TMEM273: variants seen among roughly 807,000 people sequenced by gnomAD.
TMEM273 encodes chromosome 10 open reading frame 128.
Under a neutral mutation model 17.9 loss-of-function variants are expected in TMEM273, and 19 were observed. The ratio of observed to expected loss-of-function variants is 1.06; its 90% CI spans 0.74 to 1.55. The LOEUF (loss-of-function observed/expected upper bound fraction) is 1.55. Among genes scored for constraint, TMEM273 ranks in the 40% most tolerant of loss-of-function variants. The pLI is 0.00. For synonymous variants in TMEM273, 66 were observed against 62.0 expected (o/e 1.07, Z -0.31); for missense variants, 194 against 155.6 (o/e 1.25, Z -1.31).
chr10:49,159,905 A>C (rs950940661), intron 6 of TMEM273, among the ~76,000 whole-genome samples: 1 of 152,196 alleles, frequency 6.6e-6, no homozygotes, highest in East Asian at 1.9e-4. Context: ...AGTGACTTGC[A>C]CTAGCCAAAT....
chr10:49,169,234 A>C (rs2132172480), intron 1 of TMEM273, among the ~76,000 whole-genome samples: 1 of 152,332 alleles, frequency 6.6e-6, no homozygotes, highest in South Asian at 2.1e-4. Context: ...CAAAGGCAGG[A>C]GAGTGTGCTA....
chr10:49,175,764 G>A (rs1036901242), intron 1 of TMEM273, among the ~76,000 whole-genome samples: 1 of 152,226 alleles, frequency 6.6e-6, no homozygotes, highest in African/African-American at 2.4e-5. Context: ...GGTGACACAT[G>A]TGAGCACTGA....
intron 1 of TMEM273, among the ~76,000 whole-genome samples, chr10:49,172,173 A>G (rs1846616943): frequency 6.6e-6 from 1 of 152,210 alleles, no homozygotes; most frequent in South Asian, 2.1e-4. Context: ...TGTCTAGGAC[A>G]GGCTTCCTTA....
At position 49,166,967 on chromosome 10, in the gene TMEM273, A is replaced by G. The variant is rs1442420729; in HGVS notation, c.140T>C (p.Ile47Thr). 1.2e-6 allele frequency: 2 copies of G among 1,614,210 alleles called. No individual in the cohort carries two copies. Among genetic ancestry groups the G allele is most frequent in the Admixed American group, 3.3e-5 (2 of 60,032 alleles). The change falls in exon 3 of 7, where the codon ATA becomes ACA. Residue 47 changes from isoleucine (I) to threonine (T), a missense_variant. By Grantham distance (89) the Ile-to-Thr change is moderately conservative. Transcript: ENST00000374153. The stretch of plus-strand genomic sequence containing the variant: ...CTTCAGGGCCAGGAAGCCAGCAGAT[A>G]TGGCGACACCCACAGCAGTCCCGAT... ...ALIGTAVGVA[I>T]SAGFLALKIC...
chr10:49,181,319 T>C (rs886105182), intron 1 of TMEM273, among the ~76,000 whole-genome samples: 27 of 152,316 alleles, frequency 1.8e-4, no homozygotes, highest in African/African-American at 6.3e-4. Flanking sequence ...GCAATTCCCA[T>C]CAAAAGCCCA....
chr10:49,163,808 T>C (rs1336027772), intron 5 of TMEM273, among the ~76,000 whole-genome samples: 2 of 152,096 alleles, frequency 1.3e-5, no homozygotes, highest in African/African-American at 4.8e-5. Flanking sequence ...TGCTGAAAAC[T>C]AGAATATCTG....
At chr10:49,182,421 ACT>A (rs936114640) in intron 1 of TMEM273, among the ~76,000 whole-genome samples, 1 of 152,016 alleles carries the variant, frequency 6.6e-6, no homozygotes, top group African/African-American at 2.4e-5. Context: ...AAAAAAAAAG[ACT>A]CTGCTCTCTT....
At chr10:49,169,959 G>A (rs1361645771) in intron 1 of TMEM273, among the ~76,000 whole-genome samples, 4 of 152,222 alleles carry the variant, frequency 2.6e-5, no homozygotes, top group Non-Finnish European at 5.9e-5. Context: ...GCCTCAGTGG[G>A]TGGGGCCAGA....
At chr10:49,157,869 T>C (rs752537604) in intron 6 of TMEM273, among the ~76,000 whole-genome samples, 1 of 152,176 alleles carries the variant, frequency 6.6e-6, no homozygotes, top group African/African-American at 2.4e-5. Flanking sequence ...TAAAGGCATA[T>C]GAATTGGGAA....
chr10:49,156,430 A>G (rs1845514655), intron 6 of TMEM273, among the ~76,000 whole-genome samples: 1 of 152,250 alleles, frequency 6.6e-6, no homozygotes, highest in Non-Finnish European at 1.5e-5. Context: ...ATGGAAGAGA[A>G]GATGAGTCAA....
rs901480378 is a variant in TMEM273, at chr10:49,155,953, A to C, written c.373-44T>G. 15 of 1,613,602 alleles carry C rather than the reference A, an allele frequency of 9.3e-6. 1 individual carries two copies. The Admixed American group carries it at 1.0e-4, about 11-fold the overall frequency. On this transcript the variant is annotated intron_variant, in intron 6 of 6. Coordinates refer to ENST00000374153, the MANE Select transcript of TMEM273 (RefSeq NM_001288740.3). ...ATCTGGAAGACTTATTGAGAGAGCA[A>C]CTATACTCTAATGATTGCATGTGTT...
chr10:49,166,901 G>T lies in TMEM273; in HGVS notation c.206C>A (p.Ser69Tyr). 2 of 1,614,084 alleles carry T rather than the reference G, an allele frequency of 1.2e-6. No homozygotes were observed. The highest frequency in any genetic ancestry group is 2.7e-5 in the African/African-American group (2 of 75,058). ...IRRHLFDDDS[S>Y]DLKSTPGGLS... ...GCCCCCAGGCGTGCTTTTCAGGTCG[G>T]AAGAGTCGTCGTCAAATAAGTGCCT... The change falls in exon 3 of 7, where the codon TCC (serine) becomes TAC (tyrosine). Residue 69 changes from serine (S) to tyrosine (Y), a missense_variant. By Grantham distance (144) the Ser-to-Tyr change is moderately radical (BLOSUM62 -2). Transcript: ENST00000374153.
chr10:49,174,327 G>A (rs141591961), intron 1 of TMEM273, among the ~76,000 whole-genome samples: 1 of 152,320 alleles, frequency 6.6e-6, no homozygotes, highest in East Asian at 1.9e-4. Flanking sequence ...TGGAAATGAA[G>A]TGCACCTACC....
chr10:49,163,810 G>A (rs1338650794), intron 5 of TMEM273, among the ~76,000 whole-genome samples: 1 of 152,094 alleles, frequency 6.6e-6, no homozygotes, highest in Non-Finnish European at 1.5e-5. Context: ...CTGAAAACTA[G>A]AATATCTGTA....
chr10:49,186,100 A>AAGAAGAAGAAGAAGAAGAAGAAGAAGG (rs1847693745), intron 1 of TMEM273, among the ~76,000 whole-genome samples: 1 of 147,900 alleles, frequency 6.8e-6, no homozygotes, highest in Non-Finnish European at 1.5e-5. Flanking sequence ...GAAGAAGAAG[A>AAGAAGAAGAAGAAGAAGAAGAAGAAGG]AGAAGAAGAG....
At chr10:49,157,128 G>A (rs1845559142) in intron 6 of TMEM273, among the ~76,000 whole-genome samples, 1 of 152,224 alleles carries the variant, frequency 6.6e-6, no homozygotes, top group East Asian at 1.9e-4. Context: ...TTGCACTTGA[G>A]ATATCAATGC....
intron 1 of TMEM273, among the ~76,000 whole-genome samples, chr10:49,186,097 A>AAGAAGAAGGAGAAGAAGAAGAAGG (rs1554850129): frequency 8.5e-6 from 1 of 117,054 alleles, no homozygotes; most frequent in Non-Finnish European, 1.9e-5. Flanking sequence ...GAAGAAGAAG[A>AAGAAGAAGGAGAAGAAGAAGAAGG]AGAAGAAGAA....
Position 49,164,477 on chromosome 10 carries a change from T to C in TMEM273, c.348+728A>G, listed in dbSNP as rs530851816. Among the ~76,000 whole-genome samples the C allele has an allele frequency of 9.2e-5, 14 of 152,226 alleles. No homozygotes were observed. The South Asian group carries it at 2.9e-3, about 32-fold the overall frequency. On this transcript the variant is annotated intron_variant, in intron 5 of 6. Transcript: ENST00000374153. ...CTCCATGCCACCATATAACAAAAAA[T>C]ATTCTCTCTCTCCCCTGCTTAGAAC...
intron 1 of TMEM273, among the ~76,000 whole-genome samples, chr10:49,177,350 C>T (rs778913753): frequency 2.6e-5 from 4 of 152,230 alleles, no homozygotes; most frequent in Admixed American, 6.5e-5. Flanking sequence ...TTCCCTGATT[C>T]GGGTCCTCAC....
Sources: gnomAD v4.1 joint callset for allele counts (sites outside exome capture counted in the v4.1 genomes callset) on GRCh38, gnomAD v4.1.1 for gene constraint, MANE v1.5 for transcripts, NCBI Gene and HGNC (gene_info 2026-07-23, HGNC 2026-07-21) for gene names.